The following MLLT10 variants were observed in gnomAD, a reference collection of about 807,000 sequenced individuals.
The protein encoded by MLLT10 is MLLT10 histone lysine methyltransferase DOT1L cofactor, also known as protein AF-10.
MLLT10 carries 30 observed loss-of-function variants against 129.1 expected under a neutral mutation model. The ratio of observed to expected loss-of-function variants is 0.23; its 90% CI spans 0.17 to 0.32. MLLT10 has a LOEUF of 0.32. Among genes scored for constraint, MLLT10 ranks in the 10% least tolerant of loss-of-function variants. The pLI is 1.00. For synonymous variants in MLLT10, 490 were observed against 446.4 expected, an observed-to-expected ratio of 1.10 and a Z score of -1.23; for missense variants, 1,119 against 1,268.3, an observed-to-expected ratio of 0.88 and a Z score of 1.79.
At chr10:21,594,927 TAAA>T (rs2042900879) in intron 4 of MLLT10, among the ~76,000 whole-genome samples, 1 of 152,156 alleles carries the variant, frequency 6.6e-6, no homozygotes, top group Non-Finnish European at 1.5e-5. Context: ...GACACTAAGA[TAAA>T]AATAATTTCA....
At chr10:21,559,821 T>C (rs1470821916) in intron 3 of MLLT10, among the ~76,000 whole-genome samples, 12 of 152,258 alleles carry the variant, frequency 7.9e-5, no homozygotes, top group African/African-American at 2.9e-4. Context: ...TCCATTGTTA[T>C]GTATATACCG....
chr10:21,548,519 G>A (rs1588856674), intron 3 of MLLT10, among the ~76,000 whole-genome samples: 1 of 151,876 alleles, frequency 6.6e-6, no homozygotes, highest in Non-Finnish European at 1.5e-5. Context: ...ACAGGTGCCC[G>A]CCGCTACGCC....
chr10:21,743,132 TCCC>T lies in MLLT10; in HGVS notation c.*1152_*1154del. On this transcript the variant is annotated 3_prime_UTR_variant, in exon 23 of 23. Coordinates refer to ENST00000307729, the MANE Select transcript of MLLT10 (RefSeq NM_001195626.3). Reference sequence around the variant, plus strand: ...TGATGTGACAGTACCGCAGAGTGATTCCCCCACTGAGGATGTCATCATCAAACT... The same window carrying T: ...TGATGTGACAGTACCGCAGAGTGATTCCACTGAGGATGTCATCATCAAACT... 1 of 230,512 alleles carries T rather than the reference TCCC, an allele frequency of 4.3e-6. No individual in the cohort carries two copies. Among genetic ancestry groups the T allele is most frequent in the Non-Finnish European group, 8.6e-6 (1 of 116,210 alleles). The allele number at this position is 230,512 out of a possible 1,614,324, so 14.3% of individuals were successfully genotyped here. A position where few individuals can be genotyped will look rare whatever the true frequency, so the allele number is the denominator to read the frequency against.
intron 9 of MLLT10, among the ~76,000 whole-genome samples, chr10:21,662,799 T>TTAGTTAACG (rs2050345900): frequency 6.6e-6 from 1 of 152,230 alleles, no homozygotes; most frequent in Non-Finnish European, 1.5e-5. Context: ...AAATAGGCCT[T>TTAGTTAACG]TAGTTAACGT....
At chr10:21,730,309 GAAAAAA>G (rs10568793) in intron 16 of MLLT10, among the ~76,000 whole-genome samples, 3 of 122,846 alleles carry the variant, frequency 2.4e-5, no homozygotes, top group Non-Finnish European at 5.1e-5. Flanking sequence ...CTCCAAAAAT[GAAAAAA>G]AAAAAAAAAA....
intron 9 of MLLT10, among the ~76,000 whole-genome samples, chr10:21,652,392 A>G (rs1230715523): frequency 6.6e-6 from 1 of 152,194 alleles, no homozygotes; most frequent in Non-Finnish European, 1.5e-5. Flanking sequence ...TTGAGTGTTT[A>G]GGTTAATTAA....
intron 16 of MLLT10, 64 bp from the exon 17 acceptor site, chr10:21,730,831 TTAAGG>T (rs754600830): frequency 6.4e-7 from 1 of 1,573,698 alleles, no homozygotes; most frequent in Non-Finnish European, 8.7e-7. Context: ...AGGGGTCAGC[TTAAGG>T]TAAGAAACTG....
At chr10:21,553,481 A>G (rs2037410808) in intron 3 of MLLT10, among the ~76,000 whole-genome samples, 1 of 151,336 alleles carries the variant, frequency 6.6e-6, no homozygotes, top group African/African-American at 2.4e-5. Flanking sequence ...GTGTGCCACT[A>G]TGCCCAGCTC....
At chr10:21,707,160 C>T (rs148256103) in intron 13 of MLLT10, among the ~76,000 whole-genome samples, 48 of 151,550 alleles carry the variant, frequency 3.2e-4, no homozygotes, top group African/African-American at 1.0e-3. Context: ...ACCCTGCTAC[C>T]AAATCTAATT....
chr10:21,629,404 A>G (rs2046792943), intron 8 of MLLT10, among the ~76,000 whole-genome samples: 1 of 151,972 alleles, frequency 6.6e-6, no homozygotes, highest in Non-Finnish European at 1.5e-5. Flanking sequence ...TTTACTCTCT[A>G]TTGGATGCAT....
chr10:21,736,389 A>G (rs1206014647), intron 21 of MLLT10, among the ~76,000 whole-genome samples: 1 of 152,120 alleles, frequency 6.6e-6, no homozygotes, highest in Non-Finnish European at 1.5e-5. Context: ...GGCTCAAGTG[A>G]TCCTCCTGCC....
At chr10:21,661,640 T>C (rs1325326038) in intron 9 of MLLT10, 2 of 152,206 alleles carry the variant, frequency 1.3e-5, no homozygotes, top group African/African-American at 4.8e-5. Context: ...TTTACTTTTA[T>C]ATGGAACGCT....
intron 8 of MLLT10, chr10:21,624,920 A>G (rs1348466686): frequency 2.3e-6 from 3 of 1,309,314 alleles, no homozygotes; most frequent in South Asian, 1.4e-5. Flanking sequence ...AGCCAGCTCT[A>G]CCTCTTGGAG....
intron 3 of MLLT10, chr10:21,557,260 TATG>T: frequency 2.2e-6 from 2 of 903,690 alleles, no homozygotes; most frequent in Non-Finnish European, 2.8e-6. Flanking sequence ...AGTAATAGTT[TATG>T]AAATCTGTAT....
intron 8 of MLLT10, chr10:21,624,500 G>C (rs2131243053): frequency 8.4e-6 from 6 of 711,608 alleles, no homozygotes; most frequent in Non-Finnish European, 1.3e-5. Flanking sequence ...GCTACTTAAA[G>C]ATGAAACAGT....
rs549166122 is a variant in MLLT10, at chr10:21,665,374, C to T, written c.796-5075C>T. ...CACGATTTTGGCTTACCGCAACCTCCGCCTCCTGGTTTTAAGCGATTCTCC... is the reference window on the plus strand; with the variant it reads ...CACGATTTTGGCTTACCGCAACCTCTGCCTCCTGGTTTTAAGCGATTCTCC... On this transcript the variant is annotated intron_variant, in intron 9 of 22. Transcript: ENST00000307729. Among the ~76,000 whole-genome samples the T allele has an allele frequency of 3.3e-4, 50 of 150,386 alleles. 1 individual carries two copies. The South Asian group carries it at 5.1e-3, about 15-fold the overall frequency.
chr10:21,738,760 T>A (rs576756878), intron 21 of MLLT10, among the ~76,000 whole-genome samples: 5 of 152,320 alleles, frequency 3.3e-5, no homozygotes, highest in African/African-American at 1.2e-4. Flanking sequence ...GCTTCCAGGA[T>A]ACCACATCAT....
At chr10:21,675,689 G>T (rs554864996) in intron 11 of MLLT10, among the ~76,000 whole-genome samples, 1 of 152,140 alleles carries the variant, frequency 6.6e-6, no homozygotes, top group Admixed American at 6.5e-5. Context: ...AGCAAGAGGC[G>T]TAGTAATCAA....
intron 5 of MLLT10, among the ~76,000 whole-genome samples, chr10:21,597,170 T>C (rs1427343327): frequency 6.6e-6 from 1 of 152,292 alleles, no homozygotes; most frequent in South Asian, 2.1e-4. Context: ...CAATATAATA[T>C]GCTGTCACCC....
Sources: allele counts gnomAD v4.1 joint callset (sites outside exome capture counted in the v4.1 genomes callset), GRCh38; gene constraint gnomAD v4.1.1; transcripts MANE v1.5; gene names NCBI Gene and HGNC (gene_info 2026-07-23, HGNC 2026-07-21).